MYH8: variants seen among roughly 807,000 people sequenced by gnomAD.
The protein encoded by MYH8 is myosin-8.
A neutral mutation model predicts 233.2 loss-of-function variants in MYH8; 168 were observed. The observed-to-expected ratio is 0.72, with a 90% CI of 0.64 to 0.82. The LOEUF (loss-of-function observed/expected upper bound fraction) is 0.82. Ranked by LOEUF, MYH8 falls within the 40% of genes least tolerant of loss-of-function variation. MYH8 has a pLI of 0.00. For missense variants in MYH8, 1,995 were observed against 2,327.8 expected, an observed-to-expected ratio of 0.86 and a Z score of 2.94; for synonymous variants, 785 against 850.6, an observed-to-expected ratio of 0.92 and a Z score of 1.34.
At position 10,415,116 on chromosome 17, in the gene MYH8, A is replaced by G. The variant is rs2072277861; in HGVS notation, c.805T>C (p.Tyr269His). Reference sequence around the variant, plus strand: ...GATTTTCAATGGTCCTGTTACTCACATGTTTCTATATCAGCAGATGCCAGC... The same window carrying G: ...GATTTTCAATGGTCCTGTTACTCACGTGTTTCTATATCAGCAGATGCCAGC... ...GKLASADIETYLLEKSRVTFQ... is the reference protein window; with the variant it reads ...GKLASADIETHLLEKSRVTFQ... Residue 269 changes from tyrosine (Y) to histidine (H), a missense_variant and splice_region_variant, in exon 9 of 40, where the codon TAT becomes CAT. Tyr to His is a moderately conservative substitution (Grantham distance 83, BLOSUM62 2). Coordinates refer to ENST00000403437, the MANE Select transcript of MYH8 (RefSeq NM_002472.3). This position sits in a 1 kb window ranked among gnomAD's most constrained non-coding sequence, Gnocchi z 4.1. 2 of 1,611,952 alleles carry G rather than the reference A, an allele frequency of 1.2e-6. No individual in the cohort carries two copies. The highest frequency in any genetic ancestry group is 1.7e-6 in the Non-Finnish European group (2 of 1,178,004).
intron 5 of MYH8, 85 bp downstream of exon 5, chr17:10,418,560 A>T (rs1201170945): frequency 6.2e-7 from 1 of 1,609,704 alleles, no homozygotes; most frequent in East Asian, 2.2e-5. Context: ...GTATTATCAT[A>T]ACATAAAGAG....
intron 2 of MYH8, among the ~76,000 whole-genome samples, chr17:10,421,395 G>T (rs1218608296): frequency 6.6e-6 from 1 of 152,078 alleles, no homozygotes; most frequent in African/African-American, 2.4e-5. Context: ...TATTGCCACT[G>T]GACAGTTCTA....
At chr17:10,395,902 A>T (rs8079490) in intron 33 of MYH8, among the ~76,000 whole-genome samples, 136 of 151,462 alleles carry the variant, frequency 9.0e-4, no homozygotes, top group African/African-American at 3.2e-3. Context: ...AGAGAAAAAC[A>T]TTTTAATATG....
At chr17:10,420,739 A>G (rs2072331623) in intron 2 of MYH8, among the ~76,000 whole-genome samples, 1 of 152,224 alleles carries the variant, frequency 6.6e-6, no homozygotes. Flanking sequence ...CATAAAGCAA[A>G]TAATTATTTT....
rs529877880 is a variant in MYH8 at position 10,400,710 on chromosome 17, G to C, written c.3415C>G (p.Arg1139Gly). 6.2e-7 allele frequency: 1 copy of C among 1,614,134 alleles called. No homozygotes were observed. The highest frequency in any genetic ancestry group is 1.1e-5 in the South Asian group (1 of 91,076). ...TCCAGTTCCCGGGAGAGGTCAGAGC[G>C]CTGCTTCTCCGCTTTGGCTCGGGAC... ...RASRAKAEKQ[R>G]SDLSRELEEI... is the part of the protein sequence containing the mutation. Residue 1139 changes from arginine (R) to glycine (G), a missense_variant, in exon 27 of 40, where the codon CGC becomes GGC. Physicochemically the swap from Arg to Gly is moderately radical, Grantham distance 125. Around this residue, in one of 3 missense-constraint regions of MYH8, gnomAD observed 1,498 missense variants for 1,680.9 expected, o/e 0.89. Coordinates refer to ENST00000403437, the MANE Select transcript of MYH8 (RefSeq NM_002472.3). This position sits in a 1 kb window ranked among gnomAD's most constrained non-coding sequence, Gnocchi z 4.0.
At position 10,409,604 on chromosome 17, in the gene MYH8, T is replaced by C. The variant is rs1209225311; in HGVS notation, c.1588-16A>G. ...TGCCCAGTGGCTGAATTCAGAAAAG[T>C]AACATTGGTGTCAACCTAACTTCTC... On this transcript the variant is annotated splice_polypyrimidine_tract_variant and intron_variant, in intron 15 of 39. Transcript: ENST00000403437. 1.9e-6 allele frequency: 3 copies of C among 1,613,916 alleles called. No individual in the cohort carries two copies. The highest frequency in any genetic ancestry group is 2.5e-6 in the Non-Finnish European group (3 of 1,179,906).
Position 10,392,528 on chromosome 17 carries a change from G to T in MYH8, c.5568+14C>A. 1 of 1,604,974 alleles carries T rather than the reference G, an allele frequency of 6.2e-7. No homozygotes were observed. On this transcript the variant is annotated intron_variant, in intron 38 of 39. Transcript: ENST00000403437. ...GCAGGAAGAGTGGATATTCTGGAAG[G>T]CTATTCCCTTTACCTGGTAGGTGAG...
chr17:10,394,128 T>C, intron 35 of MYH8, 121 bp downstream of exon 35: 1 of 1,353,404 alleles, frequency 7.4e-7, no homozygotes, highest in Non-Finnish European at 1.0e-6. Flanking sequence ...ATGAGTATTT[T>C]TGAGCATATC....
Position 10,418,855 on chromosome 17 carries a change from C to T in MYH8, c.354+32G>A, listed in dbSNP as rs9902330. ...GATCTCGTTTTTACTCAGAGAGAGA[C>T]ATGAAATAAAAAGGTGTTTACAGAC... On this transcript the variant is annotated intron_variant, in intron 4 of 39. Coordinates refer to ENST00000403437, the MANE Select transcript of MYH8 (RefSeq NM_002472.3). 1,653 of 1,613,878 alleles carry T rather than the reference C, an allele frequency of 1.0e-3. 16 individuals are homozygous for T. In the African/African-American group the frequency reaches 0.02, roughly 19 times the overall value.
intron 28 of MYH8, 106 bp from the exon 29 acceptor site, chr17:10,398,992 GTGTATATA>G: frequency 2.3e-6 from 1 of 439,838 alleles, no homozygotes; most frequent in Non-Finnish European, 3.8e-6. Context: ...ATATGTGTGT[GTGTATATA>G]TATATATATA....
Position 10,406,322 on chromosome 17 carries a change from A to G in MYH8, c.2247T>C (p.Leu749=). 6.2e-7 allele frequency: 1 copy of G among 1,613,968 alleles called. No homozygotes were observed. The highest frequency in any genetic ancestry group is 8.5e-7 in the Non-Finnish European group (1 of 1,179,852). The change falls in exon 20 of 40, where the codon CTT becomes CTC. Residue 749 remains leucine (L), a synonymous_variant. Coordinates refer to ENST00000403437, the MANE Select transcript of MYH8 (RefSeq NM_002472.3). ...GAGTATGATCAATATCAATAGATGC[A>G]AGAAGTTTCTCAGAAGCCTTCTTGC... is the stretch of plus-strand genomic sequence containing the variant. ...IDSKKASEKL[L]ASIDIDHTQY...
intron 21 of MYH8, 148 bp downstream of exon 21, chr17:10,405,893 T>C (rs1467086392): frequency 4.2e-6 from 4 of 955,000 alleles, no homozygotes; most frequent in South Asian, 1.4e-5. Context: ...GTGTGAGAGC[T>C]GAAGCAAAGG....
At position 10,400,742 on chromosome 17, in the gene MYH8, T is replaced by G. The variant is rs777719193; in HGVS notation, c.3383A>C (p.Glu1128Ala). 1 of 1,614,194 alleles carries G rather than the reference T, an allele frequency of 6.2e-7. No homozygotes were observed. Among genetic ancestry groups the G allele is most frequent in the South Asian group, 1.1e-5 (1 of 91,070 alleles). Residue 1128 changes from glutamate to alanine, a missense_variant, in exon 27 of 40, where the codon GAG becomes GCG. Physicochemically the swap from Glu to Ala is moderately radical, Grantham distance 107. Around this residue, in one of 3 missense-constraint regions of MYH8, gnomAD observed 1,498 missense variants for 1,680.9 expected, o/e 0.89. Coordinates refer to ENST00000403437, the MANE Select transcript of MYH8 (RefSeq NM_002472.3). This position sits in a 1 kb window ranked among gnomAD's most constrained non-coding sequence, Gnocchi z 4.0. The stretch of plus-strand genomic sequence containing the variant: ...CTCCGCTTTGGCTCGGGACGCCCTC[T>G]CTGCCTCGATTTCTTCCCCCAGCTC... ...IEELGEEIEA[E>A]RASRAKAEKQ...
At position 10,400,254 on chromosome 17, in the gene MYH8, A is replaced by G. The variant is rs971998592; in HGVS notation, c.3735+136T>C. Reference sequence around the variant, plus strand: ...TCGATCATAACCAGCATTTTAAAAAATACCATAGAATGGGATATATTTGGT... The same window carrying G: ...TCGATCATAACCAGCATTTTAAAAAGTACCATAGAATGGGATATATTTGGT... On this transcript the variant is annotated intron_variant, in intron 27 of 39. Transcript: ENST00000403437. This position sits in a 1 kb window ranked among gnomAD's most constrained non-coding sequence, Gnocchi z 4.0. The G allele has an allele frequency of 4.9e-6, 6 of 1,224,102 alleles. No homozygotes were observed. Among genetic ancestry groups the G allele is most frequent in the Admixed American group, 1.7e-5 (1 of 57,604 alleles). The allele number at this position is 1,224,102 out of a possible 1,614,324, so 75.8% of individuals were successfully genotyped here.
chr17:10,391,550 C>G (rs1435406461), intron 39 of MYH8, among the ~76,000 whole-genome samples: 1 of 152,078 alleles, frequency 6.6e-6, no homozygotes, highest in Non-Finnish European at 1.5e-5. Context: ...TGTGGTGGTG[C>G]ATGCCTGTTG....
In MYH8 at chr17:10,390,418, T is replaced by C; in HGVS notation, c.*36A>G. ...GACCAAAAATAGCACATTTTGTGCC[T>C]TTCTTCAGCCTCTTGATAGCATCAG... On this transcript the variant is annotated 3_prime_UTR_variant, in exon 40 of 40. Coordinates refer to ENST00000403437, the MANE Select transcript of MYH8 (RefSeq NM_002472.3). 6.2e-7 allele frequency: 1 copy of C among 1,612,416 alleles called. No individual in the cohort carries two copies. The highest frequency in any genetic ancestry group is 1.3e-5 in the African/African-American group (1 of 75,018).
At chr17:10,414,170 A>T (rs1295747326) in intron 11 of MYH8, 22 bp downstream of exon 11, 1 of 1,611,496 alleles carries the variant, frequency 6.2e-7, no homozygotes, top group Non-Finnish European at 8.5e-7. Context: ...ATGGATTTTT[A>T]AAATTAGTGT....
chr17:10,407,091 A>G (rs1401066006), intron 17 of MYH8, 112 bp from the exon 18 acceptor site: 10 of 813,894 alleles, frequency 1.2e-5, no homozygotes, highest in Non-Finnish European at 1.9e-5. Flanking sequence ...TGCATCTGTG[A>G]GGCTTCAATT....
rs559977700 is a variant in MYH8, at chr17:10,413,979, C to G, written c.1070G>C (p.Gly357Ala). ...EEKVSIYKLT[G>A]AVMHYGNMKF... The stretch of plus-strand genomic sequence containing the variant: ...CATGTTCCCATAATGCATCACAGCC[C>G]CTGTGAGTTTATAGATGGACACTTT... The change falls in exon 12 of 40, where the codon GGG becomes GCG. Residue 357 changes from glycine to alanine, a missense_variant. By Grantham distance (60) the Gly-to-Ala change is moderately conservative (BLOSUM62 0). This residue lies in a region of MYH8 where 479 missense variants were observed against 600.9 expected (regional missense o/e 0.80). Transcript: ENST00000403437. 4.3e-6 allele frequency: 7 copies of G among 1,614,000 alleles called. No homozygotes were observed. In the East Asian group the frequency reaches 1.1e-4, roughly 26 times the overall value.
Sources: allele counts gnomAD v4.1 joint callset (sites outside exome capture counted in the v4.1 genomes callset), GRCh38; gene constraint gnomAD v4.1.1; regional missense constraint gnomAD v4.1.1; non-coding constraint Gnocchi (gnomAD v3.1); transcripts MANE v1.5; gene names NCBI Gene and HGNC (gene_info 2026-07-23, HGNC 2026-07-21).